ABI3BP: variants seen among roughly 807,000 people sequenced by gnomAD.
ABI3BP encodes target of Nesh-SH3.
A neutral mutation model predicts 268.6 loss-of-function variants in ABI3BP; 216 were observed. That is an observed-to-expected ratio of 0.80 (90% CI 0.72 to 0.90). The LOEUF is 0.90. Among genes scored for constraint, ABI3BP ranks in the 40% least tolerant of loss-of-function variants. The pLI, the probability that ABI3BP is intolerant of heterozygous loss-of-function variation, is 0.00. For missense variants in ABI3BP, 2,090 were observed against 2,182.4 expected (o/e 0.96, Z 0.84); for synonymous variants, 730 against 730.0 (o/e 1.00, Z 0.00).
At chr3:100,958,527 G>T (rs2077635935) in intron 1 of ABI3BP, among the ~76,000 whole-genome samples, 1 of 152,220 alleles carries the variant, frequency 6.6e-6, no homozygotes, top group Non-Finnish European at 1.5e-5. Flanking sequence ...AGTATATTAT[G>T]AAAGTGTCCT....
intron 10 of ABI3BP, 89 bp downstream of exon 10, chr3:100,866,790 G>A: frequency 9.5e-7 from 1 of 1,052,882 alleles, no homozygotes; most frequent in Non-Finnish European, 1.4e-6. Flanking sequence ...TTTCCTACTG[G>A]CTCTTTACTG....
intron 1 of ABI3BP, among the ~76,000 whole-genome samples, chr3:100,953,318 A>T (rs1323304687): frequency 6.6e-6 from 1 of 152,196 alleles, no homozygotes; most frequent in African/African-American, 2.4e-5. Context: ...TGCTGGACAA[A>T]AACAGCACGT....
At chr3:100,758,766 C>CA (rs1216737951) in intron 63 of ABI3BP, among the ~76,000 whole-genome samples, 1 of 151,800 alleles carries the variant, frequency 6.6e-6, no homozygotes, top group Non-Finnish European at 1.5e-5. Flanking sequence ...AGCATGAGAA[C>CA]AAAAAAACAT....
intron 66 of ABI3BP, among the ~76,000 whole-genome samples, chr3:100,751,944 T>TA (rs1559777996): frequency 1.3e-5 from 2 of 152,230 alleles, no homozygotes; most frequent in Non-Finnish European, 2.9e-5. Flanking sequence ...CCAAAGTTCT[T>TA]ACCTGATTTC....
At chr3:100,815,861 G>A (rs73135528) in intron 44 of ABI3BP, 51 bp downstream of exon 44, 263,871 of 1,388,718 alleles carry the variant, frequency 0.19, 27,778 homozygotes, top group South Asian at 0.26. Context: ...GCTCAAGTGC[G>A]TTTTTAAATG....
chr3:100,863,294 C>G (rs2099017002), intron 12 of ABI3BP: 1 of 163,560 alleles, frequency 6.1e-6, no homozygotes, highest in African/African-American at 2.4e-5. Context: ...AACTACGTGG[C>G]TTTATATGTA....
chr3:100,970,597 G>A (rs780796036), intron 1 of ABI3BP, among the ~76,000 whole-genome samples: 8 of 152,174 alleles, frequency 5.3e-5, no homozygotes, highest in Non-Finnish European at 8.8e-5. Context: ...CTCTCACATG[G>A]ATAGACCTCA....
chr3:100,799,813 G>A (rs2097469643), intron 51 of ABI3BP, among the ~76,000 whole-genome samples: 1 of 152,044 alleles, frequency 6.6e-6, no homozygotes, highest in African/African-American at 2.4e-5. Context: ...CAACATTTAA[G>A]AACTATCTAG....
In ABI3BP at chr3:100,840,134, C is replaced by T. The variant is rs756739977; in HGVS notation, c.1835G>A (p.Arg612His). The T allele has an allele frequency of 1.6e-5, 25 of 1,530,574 alleles. No homozygotes were observed. The highest frequency in any genetic ancestry group is 1.7e-4 in the Middle Eastern group (1 of 5,958). 94.8% of individuals were successfully genotyped at this position (1,530,574 alleles called of 1,614,324 possible). A position where few individuals can be genotyped will look rare whatever the true frequency, so the allele number is the denominator to read the frequency against. The change falls in exon 23 of 68, where the codon CGC becomes CAC. Residue 612 changes from arginine to histidine, a missense_variant. Coordinates refer to ENST00000471714, the MANE Select transcript of ABI3BP (RefSeq NM_001375547.2). ...TTTAGGGCGGGGACGGGGGCGGGGG[C>T]GACGACCTGGTCTTTTGGTCTTTCG... ...APRKTKRPGR[R>H]PRPRPRPKTT...
intron 1 of ABI3BP, among the ~76,000 whole-genome samples, chr3:100,983,048 C>G (rs2090325391): frequency 6.6e-6 from 1 of 152,162 alleles, no homozygotes; most frequent in Non-Finnish European, 1.5e-5. Context: ...GCACAGTGGC[C>G]TCTCAGGAGG....
chr3:100,826,344 A>G (rs1241875528), intron 34 of ABI3BP, among the ~76,000 whole-genome samples: 3 of 152,270 alleles, frequency 2.0e-5, no homozygotes, highest in African/African-American at 7.2e-5. Flanking sequence ...TCAAATGGAA[A>G]TTAATTTTTT....
At chr3:100,927,874 G>A (rs2062327179) in intron 1 of ABI3BP, among the ~76,000 whole-genome samples, 1 of 151,752 alleles carries the variant, frequency 6.6e-6, no homozygotes, top group Non-Finnish European at 1.5e-5. Context: ...TGCTCAACAA[G>A]TGCTTACTAA....
At chr3:100,833,403 T>C (rs1579573652) in intron 29 of ABI3BP, among the ~76,000 whole-genome samples, 1 of 152,170 alleles carries the variant, frequency 6.6e-6, no homozygotes, top group Non-Finnish European at 1.5e-5. Context: ...TCTGATGATA[T>C]AGTAGAAAAC....
intron 1 of ABI3BP, among the ~76,000 whole-genome samples, chr3:100,975,057 T>G (rs1027749185): frequency 2.0e-5 from 3 of 152,178 alleles, no homozygotes; most frequent in African/African-American, 7.2e-5. Flanking sequence ...GATAAGAAGT[T>G]AATTTGATAA....
In ABI3BP at chr3:100,993,006, C is replaced by T. The variant is rs144155110; in HGVS notation, c.79+300G>A. ...TCTAACAGACTATAATATCCATTTA[C>T]ACAATATGATTCAATACACAAGCAC... On this transcript the variant is annotated intron_variant, in intron 1 of 67. Transcript: ENST00000471714. Among the ~76,000 whole-genome samples the T allele has an allele frequency of 5.3e-5, 8 of 152,326 alleles. No individual in the cohort carries two copies. In the East Asian group the frequency reaches 1.5e-3, roughly 29 times the overall value.
Position 100,939,421 on chromosome 3 carries a change from G to A in ABI3BP, c.80-12940C>T, listed in dbSNP as rs191605406. Among the ~76,000 whole-genome samples, 316 of 151,884 alleles carry A rather than the reference G, an allele frequency of 2.1e-3. 2 individuals carry two copies. The highest frequency in any genetic ancestry group is 6.8e-3 in the Middle Eastern group (2 of 292). Reference sequence around the variant, plus strand: ...AGGTTCTTTCCTATTTTCCTTAAGCGTCAGCCAGCTTGAAAAATAAAGGGA... The same window carrying A: ...AGGTTCTTTCCTATTTTCCTTAAGCATCAGCCAGCTTGAAAAATAAAGGGA... On this transcript the variant is annotated intron_variant, in intron 1 of 67. Coordinates refer to ENST00000471714, the MANE Select transcript of ABI3BP (RefSeq NM_001375547.2).
At position 100,850,076 on chromosome 3, in the gene ABI3BP, A is replaced by G. The variant is rs528100394; in HGVS notation, c.1470T>C (p.Phe490=). The change falls in exon 17 of 68, where the codon TTT becomes TTC. Residue 490 remains phenylalanine, a synonymous_variant. Transcript: ENST00000471714. The stretch of plus-strand genomic sequence containing the variant: ...TCGTAGGCTGCATTTCTGGACTGGT[A>G]AAGATTTCCAGTTTTTGAGGAACAA... ...TPFVPQKLEI[F]TSPEMQPTTP... The G allele has an allele frequency of 2.5e-6, 4 of 1,611,570 alleles. No homozygotes were observed. In the East Asian group the frequency reaches 6.7e-5, roughly 27 times the overall value.
chr3:100,982,449 GA>G (rs1459089202), intron 1 of ABI3BP, among the ~76,000 whole-genome samples: 9 of 151,444 alleles, frequency 5.9e-5, no homozygotes. Flanking sequence ...TTTTGTTAGA[GA>G]AAAAAACCCT....
chr3:100,761,671 T>A (rs2095958463), intron 63 of ABI3BP, among the ~76,000 whole-genome samples: 1 of 152,144 alleles, frequency 6.6e-6, no homozygotes, highest in South Asian at 2.1e-4. Flanking sequence ...CCACTGTCAC[T>A]CTGTTTCAGG....
Sources: gnomAD v4.1 joint callset for allele counts (sites outside exome capture counted in the v4.1 genomes callset) on GRCh38, gnomAD v4.1.1 for gene constraint, MANE v1.5 for transcripts, NCBI Gene and HGNC (gene_info 2026-07-23, HGNC 2026-07-21) for gene names.